PTPRD: variants seen among roughly 807,000 people sequenced by gnomAD.
The protein encoded by PTPRD is receptor-type tyrosine-protein phosphatase delta.
PTPRD carries 34 observed loss-of-function variants against 214.5 expected under a neutral mutation model. That is an observed-to-expected ratio of 0.16 (90% CI 0.12 to 0.21). The LOEUF (loss-of-function observed/expected upper bound fraction) is 0.21. Among genes scored for constraint, PTPRD ranks in the 10% least tolerant of loss-of-function variants. PTPRD has a pLI of 1.00. For synonymous variants in PTPRD, 1,128 were observed against 845.7 expected, an observed-to-expected ratio of 1.33 and a Z score of -5.79; for missense variants, 2,545 against 2,398.7, an observed-to-expected ratio of 1.06 and a Z score of -1.27.
chr9:9,353,616 T>C (rs944189104), intron 9 of PTPRD, among the ~76,000 whole-genome samples: 6 of 151,570 alleles, frequency 4.0e-5, no homozygotes, highest in African/African-American at 1.5e-4. Context: ...GGCCTTGTTT[T>C]CATGCCTTTA....
intron 11 of PTPRD, among the ~76,000 whole-genome samples, chr9:8,736,315 T>C (rs1222353205): frequency 6.6e-6 from 1 of 152,076 alleles, no homozygotes; most frequent in African/African-American, 2.4e-5. Flanking sequence ...TAATGAAAAA[T>C]TTAAAAATAA....
At chr9:9,271,474 T>A (rs1315300453) in intron 9 of PTPRD, among the ~76,000 whole-genome samples, 1 of 151,376 alleles carries the variant, frequency 6.6e-6, no homozygotes, top group Non-Finnish European at 1.5e-5. Flanking sequence ...GTTCATATTC[T>A]TACTTGCACA....
At chr9:8,487,310 A>C (rs2097045164) in intron 27 of PTPRD, among the ~76,000 whole-genome samples, 2 of 152,218 alleles carry the variant, frequency 1.3e-5, no homozygotes, top group East Asian at 3.8e-4. Context: ...GAAAAGGTCT[A>C]ATCTACTCAT....
intron 14 of PTPRD, among the ~76,000 whole-genome samples, chr9:8,570,694 G>C (rs1429001327): frequency 1.3e-5 from 2 of 151,998 alleles, no homozygotes; most frequent in East Asian, 3.9e-4. Flanking sequence ...TCAATGTTGT[G>C]ATGGAATCAA....
chr9:10,202,991 G>C (rs1014085876), intron 3 of PTPRD, among the ~76,000 whole-genome samples: 1 of 151,622 alleles, frequency 6.6e-6, no homozygotes, highest in Non-Finnish European at 1.5e-5. Flanking sequence ...CCAGACAACG[G>C]TATTCTGTTA....
chr9:9,680,848 G>A (rs1009321487), intron 7 of PTPRD, among the ~76,000 whole-genome samples: 1 of 151,736 alleles, frequency 6.6e-6, no homozygotes, highest in African/African-American at 2.4e-5. Flanking sequence ...CCTCTTGTGG[G>A]TGAGCTGAAG....
chr9:8,433,049 C>T (rs960529581), intron 35 of PTPRD, among the ~76,000 whole-genome samples: 3 of 152,190 alleles, frequency 2.0e-5, no homozygotes, highest in Non-Finnish European at 2.9e-5. Flanking sequence ...TTATTGCATT[C>T]AATAGATGCA....
intron 9 of PTPRD, among the ~76,000 whole-genome samples, chr9:9,187,496 C>A (rs1419536820): frequency 6.6e-6 from 1 of 152,008 alleles, no homozygotes; most frequent in Non-Finnish European, 1.5e-5. Context: ...AAAGCCAAGA[C>A]AGATGAATAA....
intron 5 of PTPRD, among the ~76,000 whole-genome samples, chr9:9,865,577 T>G (rs1203995196): frequency 1.3e-5 from 2 of 152,152 alleles, no homozygotes; most frequent in African/African-American, 4.8e-5. Flanking sequence ...TGTAAGAAAT[T>G]CCTTTTCTTT....
intron 35 of PTPRD, among the ~76,000 whole-genome samples, chr9:8,413,843 G>C (rs978917709): frequency 1.8e-4 from 28 of 152,006 alleles, no homozygotes; most frequent in Admixed American, 1.6e-3. Flanking sequence ...TACTCTCAAA[G>C]ATTAGTATTT....
intron 9 of PTPRD, among the ~76,000 whole-genome samples, chr9:9,287,377 T>TAATC (rs1949833077): frequency 6.6e-6 from 1 of 151,922 alleles, no homozygotes. Context: ...TTTATTAATA[T>TAATC]AATCAGTACT....
chr9:8,688,417 T>A (rs950937617), intron 12 of PTPRD, among the ~76,000 whole-genome samples: 1 of 151,786 alleles, frequency 6.6e-6, no homozygotes, highest in Non-Finnish European at 1.5e-5. Context: ...ATACCAAAAT[T>A]AGCCGGGCGT....
At position 8,471,828 on chromosome 9, in the gene PTPRD, G is replaced by T. The variant is rs530607884; in HGVS notation, c.3414-743C>A. ...AAGGCACCCATCCACAAATAGGTATGGGTTATTTGTAAAGCTGTTTTGTCA... is the reference window on the plus strand; with the variant it reads ...AAGGCACCCATCCACAAATAGGTATTGGTTATTTGTAAAGCTGTTTTGTCA... On this transcript the variant is annotated intron_variant, in intron 30 of 45. Coordinates refer to ENST00000381196, the MANE Select transcript of PTPRD (RefSeq NM_002839.4). 4.6e-5 allele frequency among the ~76,000 whole-genome samples: 7 copies of T among 152,176 alleles called. No individual in the cohort carries two copies. In the East Asian group the frequency reaches 1.4e-3, roughly 29 times the overall value.
intron 9 of PTPRD, among the ~76,000 whole-genome samples, chr9:9,337,896 T>C (rs1189593681): frequency 6.6e-6 from 1 of 152,220 alleles, no homozygotes; most frequent in African/African-American, 2.4e-5. Flanking sequence ...GAGGTTGTTA[T>C]GATGTAATAA....
At chr9:8,880,799 T>G (rs929478775) in intron 11 of PTPRD, among the ~76,000 whole-genome samples, 1 of 152,200 alleles carries the variant, frequency 6.6e-6, no homozygotes, top group Non-Finnish European at 1.5e-5. Context: ...CTTTTTTATT[T>G]CTTGAGACAG....
chr9:9,695,328 A>G (rs1056458247), intron 7 of PTPRD, among the ~76,000 whole-genome samples: 6 of 152,134 alleles, frequency 3.9e-5, no homozygotes, highest in African/African-American at 1.4e-4. Context: ...GACATAAGAC[A>G]AAGTTCTCTT....
intron 3 of PTPRD, among the ~76,000 whole-genome samples, chr9:10,265,255 A>G (rs570994494): frequency 6.6e-6 from 1 of 152,210 alleles, no homozygotes; most frequent in African/African-American, 2.4e-5. Flanking sequence ...AAGTCCTACA[A>G]CAGCATCTAT....
chr9:9,395,310 G>A (rs953575016), intron 9 of PTPRD, among the ~76,000 whole-genome samples: 1 of 152,080 alleles, frequency 6.6e-6, no homozygotes, highest in African/African-American at 2.4e-5. Flanking sequence ...CCTAATGTAA[G>A]GGATTTTCAA....
In PTPRD at chr9:9,127,210, G is replaced by GA. The variant is rs1159073829; in HGVS notation, c.-143+56093dup. On this transcript the variant is annotated intron_variant, in intron 10 of 45. Coordinates refer to ENST00000381196, the MANE Select transcript of PTPRD (RefSeq NM_002839.4). ...ATGTATGGGAAAACGAGAATACCTG[G>GA]AAAAAATCCACACCAACATGGGGAA... Among the ~76,000 whole-genome samples, 3 of 152,198 alleles carry GA rather than the reference G, an allele frequency of 2.0e-5. No homozygotes were observed. The East Asian group carries it at 5.8e-4, about 29-fold the overall frequency.
Sources: allele counts gnomAD v4.1 joint callset (sites outside exome capture counted in the v4.1 genomes callset), GRCh38; gene constraint gnomAD v4.1.1; transcripts MANE v1.5; gene names NCBI Gene and HGNC (gene_info 2026-07-23, HGNC 2026-07-21).